GPC5: variants seen among roughly 807,000 people sequenced by gnomAD.
GPC5 encodes the protein glypican-5.
A neutral mutation model predicts 53.9 loss-of-function variants in GPC5; 47 were observed. The observed-to-expected ratio is 0.87, with a 90% CI of 0.69 to 1.11. The LOEUF is 1.11. Ranked by LOEUF, GPC5 falls within the 50% of genes most tolerant of loss-of-function variation. The pLI is 0.00. For missense variants in GPC5, 748 were observed against 713.1 expected (o/e 1.05, Z -0.56); for synonymous variants, 286 against 263.3 (o/e 1.09, Z -0.84).
intron 5 of GPC5, among the ~76,000 whole-genome samples, chr13:91,848,020 AAT>A (rs777920451): frequency 2.0e-5 from 3 of 152,344 alleles, no homozygotes; most frequent in Non-Finnish European, 4.4e-5. Flanking sequence ...ATTATGTAAT[AAT>A]GTCATGTAAT....
intron 6 of GPC5, among the ~76,000 whole-genome samples, chr13:92,027,866 C>T (rs1186533012): frequency 2.0e-5 from 3 of 152,158 alleles, no homozygotes; most frequent in Non-Finnish European, 4.4e-5. Flanking sequence ...ACAAGACTAC[C>T]TTCCTTCCCC....
At chr13:92,157,763 C>A (rs1221591989) in intron 7 of GPC5, among the ~76,000 whole-genome samples, 3 of 151,966 alleles carry the variant, frequency 2.0e-5, no homozygotes, top group Non-Finnish European at 2.9e-5. Context: ...TGAATTTATT[C>A]CCCTCCCCTT....
intron 7 of GPC5, among the ~76,000 whole-genome samples, chr13:92,683,086 T>C (rs556621968): frequency 1.3e-4 from 20 of 152,226 alleles, no homozygotes; most frequent in African/African-American, 3.9e-4. Flanking sequence ...GTGTCTAGAC[T>C]GGAATGATTA....
chr13:91,827,120 A>G (rs1203080313), intron 5 of GPC5, among the ~76,000 whole-genome samples: 1 of 151,980 alleles, frequency 6.6e-6, no homozygotes, highest in African/African-American at 2.4e-5. Context: ...CTTGTGGTGG[A>G]AGATATCCCA....
At chr13:92,664,291 T>C (rs1453286367) in intron 7 of GPC5, among the ~76,000 whole-genome samples, 2 of 151,842 alleles carry the variant, frequency 1.3e-5, no homozygotes, top group African/African-American at 4.8e-5. Context: ...TAGTTGGTGA[T>C]TGATTGGGTC....
At chr13:91,461,366 A>C (rs190619820) in intron 2 of GPC5, among the ~76,000 whole-genome samples, 4 of 152,282 alleles carry the variant, frequency 2.6e-5, no homozygotes, top group Admixed American at 2.6e-4. Context: ...TTGTGATAGG[A>C]TAGGGAATAT....
intron 3 of GPC5, among the ~76,000 whole-genome samples, chr13:91,714,295 G>A (rs528892150): frequency 1.2e-4 from 18 of 152,000 alleles, no homozygotes; most frequent in African/African-American, 3.6e-4. Flanking sequence ...TTATATTTTC[G>A]GCAACATTCA....
At position 92,298,933 on chromosome 13, in the gene GPC5, T is replaced by A. The variant is rs182521406; in HGVS notation, c.1561+153944T>A. Among the ~76,000 whole-genome samples the A allele has an allele frequency of 7.3e-4, 111 of 152,334 alleles. 4 individuals carry two copies. The East Asian group carries it at 0.021, about 28-fold the overall frequency. On this transcript the variant is annotated intron_variant, in intron 7 of 7. Coordinates refer to ENST00000377067, the MANE Select transcript of GPC5 (RefSeq NM_004466.6). ...CATAATTAAGGTGAAACAATCCTTTTACTTTGGACACTTGCTGATGAAAAC... is the reference window on the plus strand; with the variant it reads ...CATAATTAAGGTGAAACAATCCTTTAACTTTGGACACTTGCTGATGAAAAC...
At chr13:91,519,517 C>T (rs1039394857) in intron 2 of GPC5, among the ~76,000 whole-genome samples, 3 of 152,138 alleles carry the variant, frequency 2.0e-5, no homozygotes, top group Admixed American at 6.5e-5. Context: ...TAACACTCCC[C>T]ACTTCGCTCT....
At chr13:92,428,892 A>G (rs551902919) in intron 7 of GPC5, among the ~76,000 whole-genome samples, 7 of 152,124 alleles carry the variant, frequency 4.6e-5, no homozygotes, top group Non-Finnish European at 1.0e-4. Context: ...TCAAGAAATC[A>G]TGAAGAAACA....
chr13:92,775,877 T>C (rs1393912221), intron 7 of GPC5, among the ~76,000 whole-genome samples: 1 of 152,234 alleles, frequency 6.6e-6, no homozygotes, highest in Non-Finnish European at 1.5e-5. Flanking sequence ...TTTCATGTTC[T>C]TGATGAAATC....
intron 7 of GPC5, among the ~76,000 whole-genome samples, chr13:92,199,827 T>A (rs9589450): frequency 2.0e-3 from 297 of 152,198 alleles, no homozygotes; most frequent in African/African-American, 4.8e-3. Context: ...CAATTTTTTT[T>A]AAAAAAAGCC....
At chr13:91,800,631 C>G (rs1300764734) in intron 5 of GPC5, among the ~76,000 whole-genome samples, 2 of 152,032 alleles carry the variant, frequency 1.3e-5, no homozygotes, top group Non-Finnish European at 2.9e-5. Flanking sequence ...TGCTTAATCT[C>G]TTTTGTTAAT....
At chr13:92,287,490 TTTAA>T (rs2042964318) in intron 7 of GPC5, among the ~76,000 whole-genome samples, 1 of 152,192 alleles carries the variant, frequency 6.6e-6, no homozygotes, top group African/African-American at 2.4e-5. Context: ...TATTTTTTTC[TTTAA>T]TTATGTCAAA....
chr13:92,674,841 T>C lies in GPC5; in HGVS notation c.1562-191441T>C, dbSNP rs1886883405. Among the ~76,000 whole-genome samples the C allele has an allele frequency of 2.0e-5, 3 of 152,060 alleles. No individual in the cohort carries two copies. The South Asian group carries it at 6.2e-4, about 31-fold the overall frequency. On this transcript the variant is annotated intron_variant, in intron 7 of 7. Coordinates refer to ENST00000377067, the MANE Select transcript of GPC5 (RefSeq NM_004466.6). ...CACTTTAGAGAGAAAATAGCAAAAA[T>C]TCAGCATCATCACTTTTGTGACACT...
intron 7 of GPC5, among the ~76,000 whole-genome samples, chr13:92,295,672 A>C (rs1056283876): frequency 3.3e-5 from 5 of 152,130 alleles, no homozygotes; most frequent in African/African-American, 1.2e-4. Flanking sequence ...GAATTGTGAC[A>C]GTTTTCTGTT....
chr13:92,646,358 T>C (rs1471128403), intron 7 of GPC5, among the ~76,000 whole-genome samples: 1 of 152,148 alleles, frequency 6.6e-6, no homozygotes, highest in Non-Finnish European at 1.5e-5. Flanking sequence ...TTAGACTCTA[T>C]AATCTGTTCC....
chr13:91,861,106 T>G (rs773337717), intron 5 of GPC5, among the ~76,000 whole-genome samples: 1 of 152,194 alleles, frequency 6.6e-6, no homozygotes, highest in Non-Finnish European at 1.5e-5. Flanking sequence ...AAACTTAAAA[T>G]CCGTTTAAAC....
intron 2 of GPC5, among the ~76,000 whole-genome samples, chr13:91,686,332 G>A (rs2035622298): frequency 6.6e-6 from 1 of 151,966 alleles, no homozygotes; most frequent in African/African-American, 2.4e-5. Flanking sequence ...TTTCCATACA[G>A]TGCTTGTCCT....
Sources: gnomAD v4.1 joint callset for allele counts (sites outside exome capture counted in the v4.1 genomes callset) on GRCh38, gnomAD v4.1.1 for gene constraint, MANE v1.5 for transcripts, NCBI Gene and HGNC (gene_info 2026-07-23, HGNC 2026-07-21) for gene names.